The following PARD3 variants were observed in gnomAD, a reference collection of about 807,000 sequenced individuals.
PARD3 encodes the protein partitioning defective 3 homolog.
A neutral mutation model predicts 155.4 loss-of-function variants in PARD3; 75 were observed. That is an observed-to-expected ratio of 0.48 (90% CI 0.40 to 0.58). PARD3 has a LOEUF of 0.58. Ranked by LOEUF, PARD3 falls within the 20% of genes least tolerant of loss-of-function variation. The pLI, the probability that PARD3 is intolerant of heterozygous loss-of-function variation, is 0.00. For synonymous variants in PARD3, 576 were observed against 610.5 expected, an observed-to-expected ratio of 0.94 and a Z score of 0.83; for missense variants, 1,642 against 1,721.7, an observed-to-expected ratio of 0.95 and a Z score of 0.82.
chr10:34,443,417 T>C (rs2076570343), intron 5 of PARD3, among the ~76,000 whole-genome samples: 1 of 152,152 alleles, frequency 6.6e-6, no homozygotes, highest in African/African-American at 2.4e-5. Context: ...GATAAATACA[T>C]ACCCGAGACT....
intron 22 of PARD3, among the ~76,000 whole-genome samples, chr10:34,194,612 C>CTTTT (rs34506915): frequency 8.3e-6 from 1 of 120,986 alleles, no homozygotes; most frequent in South Asian, 2.8e-4. Context: ...TATGCCAAAG[C>CTTTT]TTTTTTTTTT....
intron 1 of PARD3, among the ~76,000 whole-genome samples, chr10:34,809,716 C>T (rs1414611335): frequency 1.3e-5 from 2 of 152,116 alleles, no homozygotes; most frequent in Non-Finnish European, 2.9e-5. Context: ...GGGACAAAGG[C>T]GCTTCAGCAC....
chr10:34,721,179 T>A (rs931769395), intron 1 of PARD3, among the ~76,000 whole-genome samples: 1 of 152,168 alleles, frequency 6.6e-6, no homozygotes, highest in South Asian at 2.1e-4. Context: ...CTCGGTTATA[T>A]ATAAATCTTA....
chr10:34,347,865 T>C (rs375302707), intron 15 of PARD3, 100 bp downstream of exon 15: 1 of 811,856 alleles, frequency 1.2e-6, no homozygotes. Context: ...TTTACATTAA[T>C]ATTACACTAA....
At chr10:34,413,083 G>A (rs1482477161) in intron 5 of PARD3, among the ~76,000 whole-genome samples, 1 of 148,912 alleles carries the variant, frequency 6.7e-6, no homozygotes, top group Non-Finnish European at 1.5e-5. Flanking sequence ...GGGTGAAGTG[G>A]GTTACTACTA....
intron 3 of PARD3, among the ~76,000 whole-genome samples, chr10:34,511,114 G>A (rs944221580): frequency 6.6e-6 from 1 of 152,110 alleles, no homozygotes; most frequent in East Asian, 1.9e-4. Context: ...AAGAACGTGG[G>A]CCATTTGTCT....
At chr10:34,331,020 C>A in intron 19 of PARD3, 97 bp downstream of exon 19, 1 of 827,548 alleles carries the variant, frequency 1.2e-6, no homozygotes, top group Non-Finnish European at 2.0e-6. Flanking sequence ...CAGAGATTAC[C>A]CTGAAGAATC....
At chr10:34,713,392 G>A (rs1364488247) in intron 1 of PARD3, among the ~76,000 whole-genome samples, 1 of 152,030 alleles carries the variant, frequency 6.6e-6, no homozygotes, top group Non-Finnish European at 1.5e-5. Context: ...GCACCACTTT[G>A]CCTATCACAG....
chr10:34,323,616 A>G (rs1958507778), intron 19 of PARD3, among the ~76,000 whole-genome samples: 1 of 152,250 alleles, frequency 6.6e-6, no homozygotes. Context: ...AAGAAAAACA[A>G]TAGGATCACT....
In PARD3 at chr10:34,307,580, C is replaced by T. The variant is rs759950233; in HGVS notation, c.3065+9527G>A. 2.0e-5 allele frequency among the ~76,000 whole-genome samples: 3 copies of T among 152,232 alleles called. No individual in the cohort carries two copies. In the East Asian group the frequency reaches 5.8e-4, roughly 30 times the overall value. ...AGACCTTATGACTTAGTGCTATAAA[C>T]CCAAGGGCCATGGAGACTGGGGTAC... On this transcript the variant is annotated intron_variant, in intron 20 of 24. Transcript: ENST00000374788.
chr10:34,602,865 C>G (rs1210874522), intron 2 of PARD3, among the ~76,000 whole-genome samples: 2 of 152,022 alleles, frequency 1.3e-5, no homozygotes, highest in Non-Finnish European at 2.9e-5. Flanking sequence ...TTTTTAAAGG[C>G]CTCTACTGCC....
In PARD3 at chr10:34,176,235, AATTTT is replaced by A. The variant is rs150490433; in HGVS notation, c.3420-44657_3420-44653del. 3.3e-3 allele frequency among the ~76,000 whole-genome samples: 510 copies of A among 152,352 alleles called. 3 individuals carry two copies. Among genetic ancestry groups the A allele is most frequent in the African/African-American group, 0.012 (494 of 41,574 alleles). ...AGAAAATGAAGAGTTAAACAAATTT[AATTTT>A]AATTTCAATTTTAAAAATTGTCCTA... On this transcript the variant is annotated intron_variant, in intron 22 of 24. Transcript: ENST00000374788.
At chr10:34,474,874 G>A (rs889847320) in intron 3 of PARD3, among the ~76,000 whole-genome samples, 2 of 152,112 alleles carry the variant, frequency 1.3e-5, no homozygotes, top group African/African-American at 2.4e-5. Context: ...TTCATAGAAC[G>A]ATTTCATTTT....
At chr10:34,511,576 C>T (rs1457651987) in intron 3 of PARD3, among the ~76,000 whole-genome samples, 1 of 152,184 alleles carries the variant, frequency 6.6e-6, no homozygotes. Flanking sequence ...AACCCCAGTA[C>T]TTCAAGCTCT....
intron 19 of PARD3, among the ~76,000 whole-genome samples, chr10:34,322,446 A>AT (rs1395802053): frequency 6.6e-6 from 1 of 152,198 alleles, no homozygotes; most frequent in Non-Finnish European, 1.5e-5. Context: ...TGCACTTTCT[A>AT]TTACATATAG....
chr10:34,617,444 T>C (rs1293956999), intron 2 of PARD3, among the ~76,000 whole-genome samples: 1 of 152,106 alleles, frequency 6.6e-6, no homozygotes. Flanking sequence ...AATACTAATG[T>C]ATTGTGTATT....
intron 1 of PARD3, among the ~76,000 whole-genome samples, chr10:34,780,692 G>A (rs1024857326): frequency 1.3e-5 from 2 of 152,118 alleles, no homozygotes; most frequent in Admixed American, 6.6e-5. Flanking sequence ...TTCTCTTGCC[G>A]CAGTTTTTTA....
intron 19 of PARD3, among the ~76,000 whole-genome samples, chr10:34,324,080 A>G (rs1589177627): frequency 6.6e-6 from 1 of 152,340 alleles, no homozygotes; most frequent in South Asian, 2.1e-4. Flanking sequence ...CAACATACAA[A>G]CTATTATTTA....
At chr10:34,224,202 A>C (rs1336753287) in intron 22 of PARD3, among the ~76,000 whole-genome samples, 1 of 152,244 alleles carries the variant, frequency 6.6e-6, no homozygotes. Context: ...AAAGCTTTTC[A>C]TAAGACACAG....
Sources: allele counts gnomAD v4.1 joint callset (sites outside exome capture counted in the v4.1 genomes callset), GRCh38; gene constraint gnomAD v4.1.1; transcripts MANE v1.5; gene names NCBI Gene and HGNC (gene_info 2026-07-23, HGNC 2026-07-21).